The following USP16 variants were observed in gnomAD, a reference collection of about 807,000 sequenced individuals.
USP16 encodes ubiquitin specific peptidase 16.
A neutral mutation model predicts 95.9 loss-of-function variants in USP16; 77 were observed. The observed-to-expected ratio is 0.80, with a 90% confidence interval of 0.67 to 0.97. The LOEUF is 0.97. USP16 is among the 50% of genes least tolerant of loss of function. The pLI, the probability that USP16 is intolerant of heterozygous loss-of-function variation, is 0.00. For synonymous variants in USP16, 303 were observed against 318.2 expected, an observed-to-expected ratio of 0.95 and a Z score of 0.51; for missense variants, 943 against 959.9, an observed-to-expected ratio of 0.98 and a Z score of 0.23.
intron 13 of USP16, 36 bp from the exon 14 acceptor site, chr21:29,046,627 CTTTT>C (rs2085327130): frequency 7.1e-6 from 11 of 1,548,082 alleles, no homozygotes; most frequent in Non-Finnish European, 9.5e-6. Flanking sequence ...CCCGCTCTTT[CTTTT>C]TCTTTATTTT....
At chr21:29,035,172 T>C (rs1056212197) in intron 4 of USP16, among the ~76,000 whole-genome samples, 1 of 152,152 alleles carries the variant, frequency 6.6e-6, no homozygotes, top group Non-Finnish European at 1.5e-5. Context: ...CCCCTTTGTT[T>C]TTCTTGCTTG....
At chr21:29,044,365 T>A (rs2085291094) in intron 13 of USP16, among the ~76,000 whole-genome samples, 1 of 152,120 alleles carries the variant, frequency 6.6e-6, no homozygotes, top group Non-Finnish European at 1.5e-5. Context: ...TTCTCACCAT[T>A]CACACCATTC....
Position 29,046,977 on chromosome 21 carries a change from A to G in USP16, c.1667A>G (p.Asn556Ser), listed in dbSNP as rs764004566. ...GTTTTAACATCTTCTCCCACTAGGA[A>G]TTTAAATGGTGCCTACCTAACGGAA... is the stretch of plus-strand genomic sequence containing the variant. ...LEVLTSSPTR[N>S]LNGAYLTEGS... The change falls in exon 14 of 18, where the codon AAT (asparagine) becomes AGT (serine). Residue 556 changes from asparagine (N) to serine (S), a missense_variant. Coordinates refer to ENST00000399976, the MANE Select transcript of USP16 (RefSeq NM_006447.3). The G allele has an allele frequency of 6.2e-7, 1 of 1,614,122 alleles. No homozygotes were observed.
intron 1 of USP16, 28 bp downstream of exon 1, chr21:29,024,805 T>A (rs1468371618): frequency 2.4e-6 from 3 of 1,260,336 alleles, no homozygotes; most frequent in Non-Finnish European, 3.1e-6. Context: ...TGCCTGGCAG[T>A]CGTCGCTCGC....
intron 5 of USP16, among the ~76,000 whole-genome samples, chr21:29,036,745 G>A (rs1202040551): frequency 6.6e-6 from 1 of 152,178 alleles, no homozygotes; most frequent in Non-Finnish European, 1.5e-5. Context: ...CCTTCTAATG[G>A]TCAGATATTT....
At chr21:29,043,708 C>CT in intron 13 of USP16, 109 bp downstream of exon 13, 2 of 1,014,146 alleles carry the variant, frequency 2.0e-6, no homozygotes, top group Non-Finnish European at 2.6e-6. Context: ...AGATACAGCA[C>CT]TTTCATTTGA....
chr21:29,039,450 A>G (rs770362341), intron 8 of USP16, 31 bp from the exon 9 acceptor site: 1 of 1,605,870 alleles, frequency 6.2e-7, no homozygotes, highest in Non-Finnish European at 8.5e-7. Context: ...TAGACTGAAG[A>G]TTGCTTTTCT....
In USP16 at chr21:29,042,026, A is replaced by G. The variant is rs138359331; in HGVS notation, c.1044A>G (p.Lys348=). Residue 348 remains lysine, a synonymous_variant, in exon 11 of 18, where the codon AAA becomes AAG. Transcript: ENST00000399976. ...LKNKVKDYEK[K]KSMPSFVDRI... ...TTTTCTCCATAGATTATGAGAAGAAAAAATCAATGCCAAGTTTTGTTGACC... is the reference window on the plus strand; with the variant it reads ...TTTTCTCCATAGATTATGAGAAGAAGAAATCAATGCCAAGTTTTGTTGACC... 20 of 1,613,024 alleles carry G rather than the reference A, an allele frequency of 1.2e-5. No homozygotes were observed. Among genetic ancestry groups the G allele is most frequent in the Non-Finnish European group, 1.6e-5 (19 of 1,179,546 alleles).
At chr21:29,025,665 C>A in intron 1 of USP16, 3 of 797,252 alleles carry the variant, frequency 3.8e-6, no homozygotes, top group Non-Finnish European at 4.6e-6. Flanking sequence ...TTCACTACTG[C>A]AGACTTCTGA....
At chr21:29,050,282 T>C (rs747106668) in intron 16 of USP16, 104 bp downstream of exon 16, 29 of 884,636 alleles carry the variant, frequency 3.3e-5, no homozygotes, top group Middle Eastern at 3.4e-4. Context: ...ATAACACTTA[T>C]TGAGTAGAGT....
intron 10 of USP16, 110 bp from the exon 11 acceptor site, chr21:29,041,903 G>A: frequency 1.1e-6 from 1 of 882,566 alleles, no homozygotes. Flanking sequence ...TGTGGGACAG[G>A]AAATTTAAAA....
chr21:29,040,494 T>A, intron 9 of USP16, 115 bp from the exon 10 acceptor site: 1 of 352,220 alleles, frequency 2.8e-6, no homozygotes, highest in Non-Finnish European at 5.0e-6. Flanking sequence ...TTTGGAATTA[T>A]TTAGTAAATA....
rs1161886957 is a variant in USP16, at chr21:29,027,876, G to A, written c.-38G>A. 9 of 1,610,858 alleles carry A rather than the reference G, an allele frequency of 5.6e-6. No homozygotes were observed. Among genetic ancestry groups the A allele is most frequent in the Non-Finnish European group, 7.6e-6 (9 of 1,177,772 alleles). On this transcript the variant is annotated 5_prime_UTR_variant, in exon 2 of 18. Transcript: ENST00000399976. Reference sequence around the variant, plus strand: ...CTAACTTTATCTTGTTTTCTAGATTGTTATTTTGTGTCAGTAAGTAATCCA... The same window carrying A: ...CTAACTTTATCTTGTTTTCTAGATTATTATTTTGTGTCAGTAAGTAATCCA...
chr21:29,051,550 G>C (rs1480221403), intron 16 of USP16, among the ~76,000 whole-genome samples: 2 of 152,234 alleles, frequency 1.3e-5, no homozygotes, highest in Non-Finnish European at 2.9e-5. Flanking sequence ...AGAATTTGGG[G>C]CTGGGCGTGG....
At chr21:29,047,968 A>G (rs1308467753) in intron 14 of USP16, among the ~76,000 whole-genome samples, 2 of 149,224 alleles carry the variant, frequency 1.3e-5, no homozygotes, top group Non-Finnish European at 3.0e-5. Context: ...ATGTGTGTGT[A>G]TGTATATATA....
chr21:29,040,089 T>C (rs1286672185), intron 9 of USP16, among the ~76,000 whole-genome samples: 1 of 152,228 alleles, frequency 6.6e-6, no homozygotes, highest in South Asian at 2.1e-4. Context: ...TTCGCACTTA[T>C]TTTTATGCCA....
At chr21:29,024,987 T>G (rs2084964173) in intron 1 of USP16, 3 of 419,016 alleles carry the variant, frequency 7.2e-6, no homozygotes, top group Non-Finnish European at 7.8e-6. Flanking sequence ...CTGGCGGCCT[T>G]CTCGACCCCG....
chr21:29,039,220 T>G (rs1405946480), intron 8 of USP16, 64 bp downstream of exon 8: 5 of 1,288,136 alleles, frequency 3.9e-6, no homozygotes, highest in African/African-American at 3.1e-5. Context: ...AATATTAATA[T>G]TAAATAGTAA....
At chr21:29,027,995 C>T in intron 2 of USP16, 21 bp downstream of exon 2, 1 of 1,551,510 alleles carries the variant, frequency 6.4e-7, no homozygotes, top group South Asian at 1.1e-5. Flanking sequence ...TTGATTGAAT[C>T]TTTAATGTTT....
Sources: gnomAD v4.1 joint callset for allele counts (sites outside exome capture counted in the v4.1 genomes callset) on GRCh38, gnomAD v4.1.1 for gene constraint, MANE v1.5 for transcripts, NCBI Gene and HGNC (gene_info 2026-07-23, HGNC 2026-07-21) for gene names.